Variants in ALPK2 observed in about 807,000 individuals in gnomAD.
The protein encoded by ALPK2 is alpha-protein kinase 2.
Under a neutral mutation model 163.1 loss-of-function variants are expected in ALPK2, and 127 were observed. That is an observed-to-expected ratio of 0.78 (90% confidence interval 0.67 to 0.90). The LOEUF (loss-of-function observed/expected upper bound fraction) is 0.90. ALPK2 is among the 40% of genes least tolerant of loss of function. ALPK2 has a pLI of 0.00. For synonymous variants in ALPK2, 953 were observed against 959.1 expected (o/e 0.99, Z 0.12); for missense variants, 2,360 against 2,589.6 (o/e 0.91, Z 1.92).
chr18:58,518,388 G>C (rs1180741789), intron 8 of ALPK2, among the ~76,000 whole-genome samples: 7 of 152,174 alleles, frequency 4.6e-5, no homozygotes, highest in Non-Finnish European at 8.8e-5. Context: ...TTTTCAAACA[G>C]AAAAACTAGG....
rs989066663 is a variant in ALPK2, at chr18:58,523,924, C to T, written c.5629+11G>A. The T allele has an allele frequency of 9.9e-6, 16 of 1,613,992 alleles. No homozygotes were observed. The highest frequency in any genetic ancestry group is 1.3e-5 in the African/African-American group (1 of 74,890). ...GGGGCCAGTGGTTTTTCATTGAAAA[C>T]TGTGGTTTACCTTCAGCTGTGAGGT... On this transcript the variant is annotated intron_variant, in intron 7 of 12. Transcript: ENST00000361673.
At chr18:58,511,042 T>C (rs1440430083) in intron 10 of ALPK2, among the ~76,000 whole-genome samples, 1 of 152,226 alleles carries the variant, frequency 6.6e-6, no homozygotes, top group East Asian at 1.9e-4. Context: ...TAGCTCTTAT[T>C]ATTTTGAGAT....
At chr18:58,604,753 C>T (rs553548782) in intron 3 of ALPK2, among the ~76,000 whole-genome samples, 1 of 152,272 alleles carries the variant, frequency 6.6e-6, no homozygotes, top group South Asian at 2.1e-4. Context: ...TCTGTTGTGT[C>T]AAATCTTCAA....
At chr18:58,593,552 G>A (rs1474423713) in intron 3 of ALPK2, among the ~76,000 whole-genome samples, 3 of 125,516 alleles carry the variant, frequency 2.4e-5, no homozygotes, top group Middle Eastern at 5.4e-3. Context: ...TGACAGGAAG[G>A]GACTCTGTCT....
chr18:58,581,567 T>C (rs1250322737), intron 3 of ALPK2, among the ~76,000 whole-genome samples: 3 of 152,232 alleles, frequency 2.0e-5, no homozygotes, highest in African/African-American at 7.2e-5. Flanking sequence ...CCCATCATTG[T>C]TCAGCATCAC....
At chr18:58,502,721 C>A (rs1332912934) in intron 11 of ALPK2, among the ~76,000 whole-genome samples, 3 of 152,252 alleles carry the variant, frequency 2.0e-5, no homozygotes, top group African/African-American at 4.8e-5. Context: ...CACACCCCAA[C>A]CACTTCTGTG....
chr18:58,486,248 G>C lies in ALPK2; in HGVS notation c.6297-4209C>G, dbSNP rs77102732. Among the ~76,000 whole-genome samples the C allele has an allele frequency of 3.8e-3, 576 of 152,320 alleles. 2 individuals are homozygous for C. The highest frequency in any genetic ancestry group is 0.012 in the African/African-American group (513 of 41,570). Reference sequence around the variant, plus strand: ...CAGAGGCTAAGATGGCTGTGCCTGGGCTTGGTGAGGCCAGAGAGCAAAGGC... The same window carrying C: ...CAGAGGCTAAGATGGCTGTGCCTGGCCTTGGTGAGGCCAGAGAGCAAAGGC... On this transcript the variant is annotated intron_variant, in intron 12 of 12. Coordinates refer to ENST00000361673, the MANE Select transcript of ALPK2 (RefSeq NM_052947.4).
chr18:58,601,022 G>A (rs778995173), intron 3 of ALPK2, among the ~76,000 whole-genome samples: 5 of 152,212 alleles, frequency 3.3e-5, no homozygotes, highest in African/African-American at 4.8e-5. Context: ...TTGGGAGGCC[G>A]AGGTGGGCAG....
In ALPK2 at chr18:58,536,752, CTGCTG is replaced by C; in HGVS notation, c.3430_3434del (p.Gln1144GlyfsTer7). On this transcript the variant is annotated frameshift_variant, in exon 5 of 13. Coordinates refer to ENST00000361673, the MANE Select transcript of ALPK2 (RefSeq NM_052947.4). ...GGAAATCAGGTGCAGAAAGAGAACC[CTGCTG>C]GGACAGGCTCTGCTGCTGGACCCCC... is the stretch of plus-strand genomic sequence containing the variant. 6.2e-7 allele frequency: 1 copy of C among 1,614,194 alleles called. No homozygotes were observed. Among genetic ancestry groups the C allele is most frequent in the Non-Finnish European group, 8.5e-7 (1 of 1,180,026 alleles).
At chr18:58,489,747 A>T (rs1344144592) in intron 12 of ALPK2, among the ~76,000 whole-genome samples, 3 of 152,048 alleles carry the variant, frequency 2.0e-5, no homozygotes, top group Non-Finnish European at 4.4e-5. Context: ...AATACACATC[A>T]GCTCTTTAAA....
chr18:58,621,236 G>T (rs1266962101), intron 1 of ALPK2, among the ~76,000 whole-genome samples: 1 of 150,054 alleles, frequency 6.7e-6, no homozygotes, highest in Non-Finnish European at 1.5e-5. Context: ...TACATTAAAT[G>T]AAATAAACAA....
chr18:58,548,550 A>G (rs1053125983), intron 4 of ALPK2, among the ~76,000 whole-genome samples: 1 of 152,052 alleles, frequency 6.6e-6, no homozygotes, highest in Non-Finnish European at 1.5e-5. Context: ...TGAACTTCTG[A>G]CTTCAAGTGA....
chr18:58,524,141 A>G, intron 6 of ALPK2, 79 bp from the exon 7 acceptor site: 1 of 1,526,322 alleles, frequency 6.6e-7, no homozygotes, highest in Non-Finnish European at 8.8e-7. Context: ...AAGGAGAAAG[A>G]AGCTAAGACT....
At chr18:58,497,319 G>A (rs2144106216) in intron 12 of ALPK2, among the ~76,000 whole-genome samples, 1 of 152,308 alleles carries the variant, frequency 6.6e-6, no homozygotes, top group East Asian at 1.9e-4. Context: ...GGAAGAGCAG[G>A]AGTGGGCAAA....
intron 9 of ALPK2, 98 bp downstream of exon 9, chr18:58,516,810 T>G: frequency 7.2e-7 from 1 of 1,381,200 alleles, no homozygotes; most frequent in Non-Finnish European, 1.0e-6. Context: ...AACACCCTTT[T>G]GAAGATATTC....
At chr18:58,530,152 C>A (rs2051605490) in intron 5 of ALPK2, among the ~76,000 whole-genome samples, 1 of 152,194 alleles carries the variant, frequency 6.6e-6, no homozygotes, top group African/African-American at 2.4e-5. Context: ...TGCTCCACTG[C>A]CTCAAATTAT....
chr18:58,575,030 A>G (rs753171622), intron 4 of ALPK2, among the ~76,000 whole-genome samples: 5 of 152,044 alleles, frequency 3.3e-5, no homozygotes, highest in African/African-American at 1.2e-4. Flanking sequence ...CCTGATCAAC[A>G]TGGAGAAACC....
In ALPK2 at chr18:58,483,998, G is replaced by A. The variant is rs73443168; in HGVS notation, c.6297-1959C>T. Among the ~76,000 whole-genome samples the A allele has an allele frequency of 6.5e-3, 983 of 152,230 alleles. 17 individuals carry two copies. Among genetic ancestry groups the A allele is most frequent in the African/African-American group, 0.023 (945 of 41,524 alleles). The stretch of plus-strand genomic sequence containing the variant: ...CACAGTCTGACATCTGTGAGTGGAT[G>A]AGATGGTTAATTTCTGTCTCTCCAC... On this transcript the variant is annotated intron_variant, in intron 12 of 12. Coordinates refer to ENST00000361673, the MANE Select transcript of ALPK2 (RefSeq NM_052947.4).
intron 6 of ALPK2, among the ~76,000 whole-genome samples, chr18:58,525,464 G>A (rs770194432): frequency 8.5e-5 from 13 of 152,318 alleles, no homozygotes; most frequent in Non-Finnish European, 1.8e-4. Flanking sequence ...AGGGCTACCC[G>A]AAGGGCTGGG....
Sources: allele counts gnomAD v4.1 joint callset (sites outside exome capture counted in the v4.1 genomes callset), GRCh38; gene constraint gnomAD v4.1.1; transcripts MANE v1.5; gene names NCBI Gene and HGNC (gene_info 2026-07-23, HGNC 2026-07-21).